CSMD3: variants seen among roughly 807,000 people sequenced by gnomAD.
The protein encoded by CSMD3 is CUB and sushi domain-containing protein 3.
In CSMD3, 177 loss-of-function variants were observed where a neutral mutation model predicts 435.2. That is an observed-to-expected ratio of 0.41 (90% confidence interval 0.36 to 0.46). The LOEUF is 0.46. Ranked by LOEUF, CSMD3 falls within the 20% of genes least tolerant of loss-of-function variation. CSMD3 has a pLI of 0.34. For synonymous variants in CSMD3, 1,656 were observed against 1,520.5 expected, an observed-to-expected ratio of 1.09 and a Z score of -2.07; for missense variants, 4,265 against 4,504.6, an observed-to-expected ratio of 0.95 and a Z score of 1.52.
At chr8:112,916,885 AC>A (rs1199436880) in intron 10 of CSMD3, among the ~76,000 whole-genome samples, 1 of 151,974 alleles carries the variant, frequency 6.6e-6, no homozygotes, top group Non-Finnish European at 1.5e-5. Flanking sequence ...TGAGCTAAAC[AC>A]TGAGAAGAGG....
chr8:113,121,695 G>GA (rs1031635258), intron 4 of CSMD3, among the ~76,000 whole-genome samples: 7 of 151,870 alleles, frequency 4.6e-5, no homozygotes, highest in African/African-American at 1.7e-4. Flanking sequence ...TTAAAACATA[G>GA]AAAAAATATT....
At chr8:113,317,075 A>G (rs944882923) in intron 1 of CSMD3, among the ~76,000 whole-genome samples, 3 of 152,120 alleles carry the variant, frequency 2.0e-5, no homozygotes, top group Admixed American at 6.6e-5. Flanking sequence ...AAAATTGACC[A>G]GGAAGTTGGA....
intron 3 of CSMD3, among the ~76,000 whole-genome samples, chr8:113,270,220 C>A (rs1412346577): frequency 6.6e-6 from 1 of 151,512 alleles, no homozygotes; most frequent in Non-Finnish European, 1.5e-5. Context: ...TGCTCATCAT[C>A]ACTGGCCATC....
intron 30 of CSMD3, among the ~76,000 whole-genome samples, chr8:112,495,921 T>C (rs1821285827): frequency 6.6e-6 from 1 of 151,138 alleles, no homozygotes; most frequent in Admixed American, 6.6e-5. Flanking sequence ...TAGATGTATA[T>C]GTATATATAT....
rs923089836 is a variant in CSMD3, at chr8:112,352,442, G to T, written c.6229C>A (p.Gln2077Lys). The T allele has an allele frequency of 6.2e-7, 1 of 1,613,502 alleles. No individual in the cohort carries two copies. The highest frequency in any genetic ancestry group is 8.5e-7 in the Non-Finnish European group (1 of 1,179,692). Reference protein sequence around the residue: ...RYMVGDVVSFQCDQGYSLQGH... With the variant: ...RYMVGDVVSFKCDQGYSLQGH... The stretch of plus-strand genomic sequence containing the variant: ...TGAAGAGAATATCCTTGATCACACT[G>T]AAAGGATACTACATCTCCAACCATA... The change falls in exon 39 of 71, where the codon CAG (glutamine) becomes AAG (lysine). Residue 2077 changes from glutamine to lysine, a missense_variant. Around this residue, in one of 3 missense-constraint regions of CSMD3, gnomAD observed 3,255 missense variants for 3,380.2 expected, o/e 0.96. Transcript: ENST00000297405.
At chr8:112,672,470 G>A (rs1445325041) in intron 16 of CSMD3, among the ~76,000 whole-genome samples, 1 of 152,058 alleles carries the variant, frequency 6.6e-6, no homozygotes, top group African/African-American at 2.4e-5. Flanking sequence ...ATAGTTGTAA[G>A]ATGGGACCCA....
chr8:112,239,192 T>A (rs534750866), intron 66 of CSMD3, among the ~76,000 whole-genome samples: 2 of 152,194 alleles, frequency 1.3e-5, no homozygotes, highest in Admixed American at 1.3e-4. Flanking sequence ...ATAAATTTGT[T>A]CTGACCATGA....
intron 54 of CSMD3, among the ~76,000 whole-genome samples, chr8:112,294,554 T>C (rs1405048035): frequency 2.6e-5 from 4 of 152,142 alleles, no homozygotes; most frequent in African/African-American, 9.6e-5. Context: ...TGAGATGTAC[T>C]AGAGTTTATC....
At chr8:113,416,973 C>T (rs571244317) in intron 1 of CSMD3, among the ~76,000 whole-genome samples, 1 of 152,088 alleles carries the variant, frequency 6.6e-6, no homozygotes, top group African/African-American at 2.4e-5. Context: ...ATAGTTGGCT[C>T]TTTCTAAACA....
At position 113,216,220 on chromosome 8, in the gene CSMD3, A is replaced by G. The variant is rs185356362; in HGVS notation, c.515-42304T>C. ...CTCAGTCATACAATTAAATTGATCT[A>G]TAAGTGTTGTCTAACAATGATGCAA... On this transcript the variant is annotated intron_variant, in intron 3 of 70. Transcript: ENST00000297405. Among the ~76,000 whole-genome samples, 45 of 152,060 alleles carry G rather than the reference A, an allele frequency of 3.0e-4. No individual in the cohort carries two copies. In the East Asian group the frequency reaches 7.9e-3, roughly 27 times the overall value.
chr8:112,253,414 C>T (rs1164981674), intron 63 of CSMD3, among the ~76,000 whole-genome samples: 1 of 151,904 alleles, frequency 6.6e-6, no homozygotes, highest in Admixed American at 6.6e-5. Context: ...TGTGCCTGAA[C>T]TGTAGATAAA....
chr8:113,333,139 A>C (rs2094041175), intron 1 of CSMD3, among the ~76,000 whole-genome samples: 1 of 151,696 alleles, frequency 6.6e-6, no homozygotes, highest in Non-Finnish European at 1.5e-5. Context: ...TAAATTTTTT[A>C]ACTGCTAAAT....
chr8:112,723,493 CA>C (rs1284476112), intron 13 of CSMD3, among the ~76,000 whole-genome samples: 2 of 152,084 alleles, frequency 1.3e-5, no homozygotes, highest in Non-Finnish European at 2.9e-5. Flanking sequence ...GATAAATTCT[CA>C]AAATCAAATG....
intron 16 of CSMD3, among the ~76,000 whole-genome samples, chr8:112,677,912 G>C (rs1241110041): frequency 6.6e-6 from 1 of 152,058 alleles, no homozygotes; most frequent in Non-Finnish European, 1.5e-5. Flanking sequence ...CACTGGCCTA[G>C]CACAATGGAT....
Position 112,408,909 on chromosome 8 carries a change from T to C in CSMD3, c.5509+10A>G. 1 of 1,613,384 alleles carries C rather than the reference T, an allele frequency of 6.2e-7. No homozygotes were observed. Among genetic ancestry groups the C allele is most frequent in the Non-Finnish European group, 8.5e-7 (1 of 1,179,500 alleles). ...AGTAACTGATGCATGGCAGTTCTAT[T>C]AAAGGATACCTGAATGGGATCCTGA... On this transcript the variant is annotated intron_variant, in intron 33 of 70. Transcript: ENST00000297405.
At chr8:113,019,572 T>C (rs2086606956) in intron 5 of CSMD3, among the ~76,000 whole-genome samples, 1 of 149,072 alleles carries the variant, frequency 6.7e-6, no homozygotes, top group Non-Finnish European at 1.5e-5. Flanking sequence ...ATTATATATA[T>C]TGTATTCTTA....
chr8:112,460,902 A>G, intron 32 of CSMD3, among the ~76,000 whole-genome samples: 1 of 152,164 alleles, frequency 6.6e-6, no homozygotes, highest in Non-Finnish European at 1.5e-5. Flanking sequence ...CCTCTAACTC[A>G]GAGACTGGAA....
intron 13 of CSMD3, among the ~76,000 whole-genome samples, chr8:112,695,738 C>G (rs1368417670): frequency 1.3e-5 from 2 of 152,118 alleles, no homozygotes; most frequent in African/African-American, 2.4e-5. Context: ...CCAGGGCAAT[C>G]AGGCAGGAGA....
At chr8:112,602,929 A>G (rs1832487721) in intron 22 of CSMD3, among the ~76,000 whole-genome samples, 1 of 152,094 alleles carries the variant, frequency 6.6e-6, no homozygotes, top group African/African-American at 2.4e-5. Flanking sequence ...TGGGGTGGGG[A>G]GAGAGACAAA....
Sources: gnomAD v4.1 joint callset for allele counts (sites outside exome capture counted in the v4.1 genomes callset) on GRCh38, gnomAD v4.1.1 for gene constraint, gnomAD v4.1.1 regional missense constraint, MANE v1.5 for transcripts, NCBI Gene and HGNC (gene_info 2026-07-23, HGNC 2026-07-21) for gene names.